EFNA5: variants seen among roughly 807,000 people sequenced by gnomAD.
EFNA5 encodes ephrin-A5.
EFNA5 carries 5 observed loss-of-function variants against 22.9 expected under a neutral mutation model. The observed-to-expected ratio is 0.22, with a 90% CI of 0.11 to 0.46. The LOEUF is 0.46. Ranked by LOEUF, EFNA5 falls within the 20% of genes least tolerant of loss-of-function variation. The probability of loss-of-function intolerance (pLI) is 0.99; values close to 1 mark genes in which losing one functional copy is unlikely to be tolerated. For missense variants in EFNA5, 237 were observed against 293.3 expected (o/e 0.81, Z 1.40); for synonymous variants, 113 against 112.2 (o/e 1.01, Z -0.04).
intron 2 of EFNA5, among the ~76,000 whole-genome samples, chr5:107,396,868 T>C (rs1421323047): frequency 1.3e-5 from 2 of 152,204 alleles, no homozygotes; most frequent in African/African-American, 2.4e-5. Context: ...GCAGTGAGCA[T>C]GCTATTAGGC....
chr5:107,460,840 G>A (rs1021350229), intron 1 of EFNA5, among the ~76,000 whole-genome samples: 1 of 152,152 alleles, frequency 6.6e-6, no homozygotes, highest in Non-Finnish European at 1.5e-5. Context: ...ATATGCCTAT[G>A]TCATTAAAAC....
At chr5:107,505,160 A>G (rs1747223780) in intron 1 of EFNA5, among the ~76,000 whole-genome samples, 1 of 152,208 alleles carries the variant, frequency 6.6e-6, no homozygotes, top group Non-Finnish European at 1.5e-5. Flanking sequence ...GTTATATGTT[A>G]AGTAAAAATA....
At position 107,381,370 on chromosome 5, in the gene EFNA5, G is replaced by C; in HGVS notation, c.572C>G (p.Thr191Ser). The C allele has an allele frequency of 6.2e-7, 1 of 1,611,812 alleles. No homozygotes were observed. Among genetic ancestry groups the C allele is most frequent in the Non-Finnish European group, 8.5e-7 (1 of 1,178,308 alleles). The change falls in exon 5 of 5, where the codon ACC becomes AGC. Residue 191 changes from threonine to serine, a missense_variant. By Grantham distance (58) the Thr-to-Ser change is moderately conservative (BLOSUM62 1). Transcript: ENST00000333274. ...GGATGGCTCGGCTGACTCATGTACG[G>C]TGTCATCTGTTCAAATAGAAAGCAC... ...VENSLEPADDTVHESAEPSRG... is the reference protein window; with the variant it reads ...VENSLEPADDSVHESAEPSRG...
At chr5:107,489,198 G>C (rs1746730344) in intron 1 of EFNA5, among the ~76,000 whole-genome samples, 1 of 152,048 alleles carries the variant, frequency 6.6e-6, no homozygotes, top group African/African-American at 2.4e-5. Context: ...TATTTAGATG[G>C]AGTCTTGCTC....
chr5:107,670,293 C>T (rs1431986444), intron 1 of EFNA5, among the ~76,000 whole-genome samples, 196 bp downstream of exon 1: 2 of 152,110 alleles, frequency 1.3e-5, no homozygotes, highest in Admixed American at 6.5e-5. Context: ...GGTACCTGGC[C>T]TTTCCGCGGC....
chr5:107,646,754 A>G (rs1300212877), intron 1 of EFNA5, among the ~76,000 whole-genome samples: 1 of 152,158 alleles, frequency 6.6e-6, no homozygotes, highest in Non-Finnish European at 1.5e-5. Context: ...TCTACTTACT[A>G]TCAGTGGGTA....
chr5:107,440,228 T>C (rs1749219886), intron 1 of EFNA5, among the ~76,000 whole-genome samples: 1 of 152,170 alleles, frequency 6.6e-6, no homozygotes, highest in African/African-American at 2.4e-5. Context: ...AAATAAACAA[T>C]TCACCATTTA....
At chr5:107,485,468 T>G (rs1746591873) in intron 1 of EFNA5, among the ~76,000 whole-genome samples, 1 of 152,124 alleles carries the variant, frequency 6.6e-6, no homozygotes, top group African/African-American at 2.4e-5. Context: ...TACTACTGAA[T>G]GAATCTCTCT....
intron 1 of EFNA5, among the ~76,000 whole-genome samples, chr5:107,448,469 G>C (rs997417784): frequency 4.6e-5 from 7 of 152,136 alleles, no homozygotes; most frequent in African/African-American, 1.7e-4. Flanking sequence ...TAGGTCATTT[G>C]TGGGCTTAAG....
chr5:107,490,755 A>ACAG (rs1171725894), intron 1 of EFNA5, among the ~76,000 whole-genome samples: 1 of 152,212 alleles, frequency 6.6e-6, no homozygotes, highest in East Asian at 1.9e-4. Context: ...CCAATGCCTT[A>ACAG]CAGCGGCTAC....
intron 1 of EFNA5, among the ~76,000 whole-genome samples, chr5:107,655,615 T>G (rs1427760796): frequency 1.3e-5 from 2 of 152,118 alleles, no homozygotes; most frequent in African/African-American, 4.8e-5. Context: ...ATGAGGTTTG[T>G]ACCTTCAGGA....
intron 1 of EFNA5, among the ~76,000 whole-genome samples, chr5:107,623,194 G>A (rs1433496700): frequency 6.6e-6 from 1 of 152,048 alleles, no homozygotes; most frequent in Non-Finnish European, 1.5e-5. Context: ...ATGCTAATGA[G>A]CAGTGAGATG....
At chr5:107,637,027 A>C (rs534902593) in intron 1 of EFNA5, among the ~76,000 whole-genome samples, 2 of 152,332 alleles carry the variant, frequency 1.3e-5, no homozygotes, top group Admixed American at 6.5e-5. Context: ...TTGTTTATTT[A>C]ATTTTATTCA....
intron 1 of EFNA5, among the ~76,000 whole-genome samples, chr5:107,641,262 G>A (rs1035226466): frequency 1.3e-5 from 2 of 151,688 alleles, no homozygotes; most frequent in East Asian, 1.9e-4. Flanking sequence ...GGAGGCTGAG[G>A]AGCAGGAATC....
At chr5:107,407,506 T>C (rs945923479) in intron 2 of EFNA5, among the ~76,000 whole-genome samples, 1 of 152,142 alleles carries the variant, frequency 6.6e-6, no homozygotes, top group Non-Finnish European at 1.5e-5. Flanking sequence ...GGGAGAAGAA[T>C]ATTGAACAAG....
At chr5:107,489,000 C>T (rs25969) in intron 1 of EFNA5, among the ~76,000 whole-genome samples, 93,039 of 151,978 alleles carry the variant, frequency 0.61, 31,096 homozygotes, top group African/African-American at 0.89. Flanking sequence ...CACAAAAAAA[C>T]CTCTTTTAAG....
intron 2 of EFNA5, among the ~76,000 whole-genome samples, chr5:107,423,253 G>A (rs968119987): frequency 2.0e-5 from 3 of 152,162 alleles, no homozygotes; most frequent in Admixed American, 2.0e-4. Flanking sequence ...TCAAATCAGT[G>A]TTTTATGGAA....
At chr5:107,635,445 T>G (rs993414636) in intron 1 of EFNA5, among the ~76,000 whole-genome samples, 11 of 152,232 alleles carry the variant, frequency 7.2e-5, no homozygotes, top group Non-Finnish European at 1.5e-4. Flanking sequence ...CAGAGCTGGC[T>G]GCCTCTGGTT....
intron 1 of EFNA5, among the ~76,000 whole-genome samples, chr5:107,458,358 G>C (rs180769811): frequency 1.2e-4 from 18 of 152,130 alleles, no homozygotes; most frequent in Non-Finnish European, 2.5e-4. Flanking sequence ...GCCTGGTCAG[G>C]GGGACAGACC....
Sources: allele counts gnomAD v4.1 joint callset (sites outside exome capture counted in the v4.1 genomes callset), GRCh38; gene constraint gnomAD v4.1.1; transcripts MANE v1.5; gene names NCBI Gene and HGNC (gene_info 2026-07-23, HGNC 2026-07-21).